Variants in NBAS observed in about 807,000 individuals in gnomAD.
The protein encoded by NBAS is NAG/BC035112 fusion.
In NBAS, 219 loss-of-function variants were observed where a neutral mutation model predicts 302.5. The observed-to-expected ratio is 0.72, with a 90% CI of 0.65 to 0.81. NBAS has a LOEUF of 0.81. NBAS is among the 30% of genes least tolerant of loss of function. The pLI, the probability that NBAS is intolerant of heterozygous loss-of-function variation, is 0.00. For synonymous variants in NBAS, 1,118 were observed against 1,021.6 expected (o/e 1.09, Z -1.80); for missense variants, 2,932 against 2,841.6 (o/e 1.03, Z -0.72).
At chr2:15,269,282 T>C (rs1388612368) in intron 44 of NBAS, among the ~76,000 whole-genome samples, 2 of 152,208 alleles carry the variant, frequency 1.3e-5, no homozygotes, top group African/African-American at 4.8e-5. Context: ...GACGGATACA[T>C]TGTCTTTCCT....
At position 15,446,730 on chromosome 2, in the gene NBAS, A is replaced by G. The variant is rs569696681; in HGVS notation, c.2339+14471T>C. 7.2e-5 allele frequency among the ~76,000 whole-genome samples: 11 copies of G among 152,294 alleles called. 1 individual carries two copies. In the South Asian group the frequency reaches 1.5e-3, roughly 20 times the overall value. ...CATAACACATGCTTGTAAAAGTTAA[A>G]TGTATGGCAACAATAGTGCAAAAGC... is the stretch of plus-strand genomic sequence containing the variant. On this transcript the variant is annotated intron_variant, in intron 21 of 51. Transcript: ENST00000281513.
chr2:14,935,058 T>C, the NBAS span, among the ~76,000 whole-genome samples: 1 of 152,224 alleles, frequency 6.6e-6, no homozygotes, highest in African/African-American at 2.4e-5. Flanking sequence ...TGAGCCTTTC[T>C]ATGTGAAAAT....
chr2:14,885,744 G>A, the NBAS span, among the ~76,000 whole-genome samples: 9 of 152,248 alleles, frequency 5.9e-5, no homozygotes, highest in East Asian at 3.9e-4. Flanking sequence ...AGAGGCCTAC[G>A]AGGTAGTAGG....
the NBAS span, among the ~76,000 whole-genome samples, chr2:15,146,956 G>A: frequency 9.5e-3 from 1,441 of 152,282 alleles, 72 homozygotes; most frequent in East Asian, 0.13. Context: ...CTGGTTACCC[G>A]CTGTGTCTGT....
the NBAS span, among the ~76,000 whole-genome samples, chr2:14,874,194 T>C: frequency 6.6e-6 from 1 of 152,118 alleles, no homozygotes; most frequent in African/African-American, 2.4e-5. Context: ...GCCTTAAAGA[T>C]ACAGACTCAC....
At chr2:15,301,012 G>A (rs1469493368) in intron 40 of NBAS, among the ~76,000 whole-genome samples, 1 of 152,186 alleles carries the variant, frequency 6.6e-6, no homozygotes, top group Non-Finnish European at 1.5e-5. Context: ...GGAGGGGTAA[G>A]GAAGAGCCAG....
chr2:15,046,211 T>A, the NBAS span, among the ~76,000 whole-genome samples: 1 of 152,246 alleles, frequency 6.6e-6, no homozygotes, highest in Admixed American at 6.5e-5. Context: ...ACTCCTTTCA[T>A]CTCTCTACAT....
chr2:15,020,216 A>C, the NBAS span, among the ~76,000 whole-genome samples: 1 of 152,242 alleles, frequency 6.6e-6, no homozygotes, highest in Non-Finnish European at 1.5e-5. Flanking sequence ...AAAAGGTTGA[A>C]GATAAAGAGG....
intron 15 of NBAS, 94 bp from the exon 16 acceptor site, chr2:15,473,441 C>T (rs1300527096): frequency 2.0e-6 from 3 of 1,492,644 alleles, no homozygotes; most frequent in African/African-American, 2.8e-5. Context: ...ATCCCTTGGA[C>T]TTATCCAGCA....
At chr2:15,535,857 G>A (rs1440335431) in intron 8 of NBAS, among the ~76,000 whole-genome samples, 2 of 152,252 alleles carry the variant, frequency 1.3e-5, no homozygotes, top group East Asian at 1.9e-4. Context: ...TATTAGAATA[G>A]GCAAAACTAA....
At chr2:14,882,639 AAG>A in the NBAS span, among the ~76,000 whole-genome samples, 1 of 152,226 alleles carries the variant, frequency 6.6e-6, no homozygotes, top group Non-Finnish European at 1.5e-5. Flanking sequence ...GGTTCTGCAT[AAG>A]AGAGAGTTTT....
At chr2:15,357,777 G>T (rs1394168371) in intron 32 of NBAS, among the ~76,000 whole-genome samples, 2 of 152,058 alleles carry the variant, frequency 1.3e-5, no homozygotes, top group African/African-American at 2.4e-5. Context: ...GTGTAAACAG[G>T]ATCACTATGA....
chr2:15,490,224 A>C (rs1277681367), intron 11 of NBAS, among the ~76,000 whole-genome samples: 1 of 152,220 alleles, frequency 6.6e-6, no homozygotes, highest in Non-Finnish European at 1.5e-5. Flanking sequence ...TAAGTCCTCA[A>C]GTCTCAAATG....
intron 25 of NBAS, among the ~76,000 whole-genome samples, chr2:15,410,922 G>A (rs1254807227): frequency 2.0e-5 from 3 of 152,210 alleles, no homozygotes; most frequent in Admixed American, 2.0e-4. Context: ...GCATCTTCTC[G>A]TGGGTCTCCT....
chr2:15,296,607 G>C (rs377359927), intron 40 of NBAS, among the ~76,000 whole-genome samples: 1 of 151,880 alleles, frequency 6.6e-6, no homozygotes, highest in Non-Finnish European at 1.5e-5. Flanking sequence ...GAGGCTGGAG[G>C]CTCAATTGAG....
chr2:14,875,384 G>A, the NBAS span, among the ~76,000 whole-genome samples: 1 of 152,132 alleles, frequency 6.6e-6, no homozygotes, highest in Non-Finnish European at 1.5e-5. Context: ...TTTTGGGAGG[G>A]CAGGTGGCGA....
intron 29 of NBAS, among the ~76,000 whole-genome samples, chr2:15,380,034 A>G (rs939695151): frequency 2.0e-5 from 3 of 152,170 alleles, no homozygotes; most frequent in African/African-American, 7.2e-5. Context: ...CTTTCTCCTC[A>G]ATTAAAAAAA....
chr2:14,869,821 T>C, the NBAS span, among the ~76,000 whole-genome samples: 1 of 152,136 alleles, frequency 6.6e-6, no homozygotes, highest in Non-Finnish European at 1.5e-5. Flanking sequence ...TCCACTGTAT[T>C]CTCCTCTGTG....
chr2:15,178,043 A>G (rs1664633231), intron 51 of NBAS: 1 of 383,534 alleles, frequency 2.6e-6, no homozygotes, highest in Non-Finnish European at 5.5e-6. Context: ...ATCCTTTGTC[A>G]TTAAGAAAAC....
Sources: allele counts gnomAD v4.1 joint callset (sites outside exome capture counted in the v4.1 genomes callset), GRCh38; gene constraint gnomAD v4.1.1; transcripts MANE v1.5; gene names NCBI Gene and HGNC (gene_info 2026-07-23, HGNC 2026-07-21).